The following UNC5D variants were observed in gnomAD, a reference collection of about 807,000 sequenced individuals.
The protein encoded by UNC5D is unc-5 netrin receptor D, also known as netrin receptor UNC5D.
Under a neutral mutation model 105.4 loss-of-function variants are expected in UNC5D, and 39 were observed. That is an observed-to-expected ratio of 0.37 (90% CI 0.29 to 0.48). UNC5D has a LOEUF of 0.48. Ranked by LOEUF, UNC5D falls within the 20% of genes least tolerant of loss-of-function variation. UNC5D has a pLI of 0.98. For synonymous variants in UNC5D, 452 were observed against 450.4 expected, an observed-to-expected ratio of 1.00 and a Z score of -0.04; for missense variants, 991 against 1,202.4, an observed-to-expected ratio of 0.82 and a Z score of 2.60.
chr8:35,780,049 T>C (rs1802432092), intron 16 of UNC5D, among the ~76,000 whole-genome samples: 1 of 152,048 alleles, frequency 6.6e-6, no homozygotes, highest in Non-Finnish European at 1.5e-5. Flanking sequence ...TATGGGCAGA[T>C]GAGTAGAGGG....
chr8:35,242,422 A>G (rs1233560112), intron 1 of UNC5D, among the ~76,000 whole-genome samples: 1 of 152,156 alleles, frequency 6.6e-6, no homozygotes, highest in Non-Finnish European at 1.5e-5. Flanking sequence ...CACTGGGATG[A>G]CTATGCTTTG....
intron 6 of UNC5D, among the ~76,000 whole-genome samples, chr8:35,685,600 A>G (rs1471325839): frequency 6.6e-6 from 1 of 152,312 alleles, no homozygotes; most frequent in East Asian, 1.9e-4. Context: ...ACTTATGTTC[A>G]ATAAGCATTT....
intron 4 of UNC5D, among the ~76,000 whole-genome samples, chr8:35,632,916 C>G (rs1563612966): frequency 6.6e-6 from 1 of 152,186 alleles, no homozygotes; most frequent in East Asian, 1.9e-4. Context: ...CTTCACCTCC[C>G]TTGTTTCTGC....
chr8:35,504,510 G>T (rs1346401717), intron 1 of UNC5D, among the ~76,000 whole-genome samples: 1 of 152,138 alleles, frequency 6.6e-6, no homozygotes, highest in Non-Finnish European at 1.5e-5. Context: ...GGTGTAATGT[G>T]AGGAATGCAT....
At chr8:35,305,631 C>CTTTTTCTT (rs1563297986) in intron 1 of UNC5D, among the ~76,000 whole-genome samples, 6 of 87,776 alleles carry the variant, frequency 6.8e-5, no homozygotes, top group East Asian at 3.5e-4. Context: ...CTTTTTCTTT[C>CTTTTTCTT]TCTCTCTCTC....
intron 1 of UNC5D, among the ~76,000 whole-genome samples, chr8:35,316,671 C>T (rs1002717591): frequency 1.3e-5 from 2 of 152,170 alleles, no homozygotes; most frequent in Admixed American, 6.5e-5. Context: ...GGATGTTTCA[C>T]GTGAGCCTGA....
At chr8:35,406,570 C>T (rs1804813758) in intron 1 of UNC5D, among the ~76,000 whole-genome samples, 1 of 152,092 alleles carries the variant, frequency 6.6e-6, no homozygotes, top group Non-Finnish European at 1.5e-5. Context: ...AAAGACAGTA[C>T]CAGCTTCAGC....
chr8:35,632,639 C>T (rs1442642554), intron 4 of UNC5D, among the ~76,000 whole-genome samples: 1 of 152,204 alleles, frequency 6.6e-6, no homozygotes, highest in African/African-American at 2.4e-5. Flanking sequence ...TAAACCAGGG[C>T]TTACCTTTTT....
intron 1 of UNC5D, among the ~76,000 whole-genome samples, chr8:35,450,417 A>G (rs1808069231): frequency 6.6e-6 from 1 of 152,084 alleles, no homozygotes; most frequent in South Asian, 2.1e-4. Context: ...CTTTTTATCT[A>G]TTCATAATAT....
chr8:35,390,727 A>T (rs981360095), intron 1 of UNC5D, among the ~76,000 whole-genome samples: 30 of 152,302 alleles, frequency 2.0e-4, no homozygotes, highest in African/African-American at 6.0e-4. Flanking sequence ...AAATATCTCA[A>T]TAGTTTCTCT....
At chr8:35,601,606 T>C (rs1819889897) in intron 4 of UNC5D, among the ~76,000 whole-genome samples, 1 of 152,156 alleles carries the variant, frequency 6.6e-6, no homozygotes, top group South Asian at 2.1e-4. Flanking sequence ...TGTTTGTCTG[T>C]TATTGGTGTA....
intron 16 of UNC5D, among the ~76,000 whole-genome samples, chr8:35,784,584 C>A (rs577481968): frequency 2.6e-5 from 4 of 152,028 alleles, no homozygotes; most frequent in Admixed American, 2.6e-4. Context: ...CCTGTATCTA[C>A]TAAAAGTACA....
At chr8:35,502,733 T>C (rs996189314) in intron 1 of UNC5D, among the ~76,000 whole-genome samples, 1 of 151,502 alleles carries the variant, frequency 6.6e-6, no homozygotes, top group Non-Finnish European at 1.5e-5. Context: ...TAATTTTTTT[T>C]TTTTTGTATT....
intron 16 of UNC5D, among the ~76,000 whole-genome samples, chr8:35,782,953 T>C (rs1231761276): frequency 6.6e-6 from 1 of 151,984 alleles, no homozygotes; most frequent in East Asian, 1.9e-4. Context: ...CTGGCAACAT[T>C]GTGAGACCCC....
At chr8:35,454,579 C>A (rs1808364584) in intron 1 of UNC5D, among the ~76,000 whole-genome samples, 1 of 152,074 alleles carries the variant, frequency 6.6e-6, no homozygotes, top group Non-Finnish European at 1.5e-5. Flanking sequence ...TTAAAAAATT[C>A]TAATCTTCTA....
intron 1 of UNC5D, among the ~76,000 whole-genome samples, chr8:35,462,907 A>T (rs1245927786): frequency 1.3e-5 from 2 of 152,198 alleles, no homozygotes; most frequent in Non-Finnish European, 2.9e-5. Flanking sequence ...ATCTCTCCTT[A>T]CAAAGGTATA....
At chr8:35,783,365 T>C (rs896804173) in intron 16 of UNC5D, among the ~76,000 whole-genome samples, 1 of 152,116 alleles carries the variant, frequency 6.6e-6, no homozygotes, top group Non-Finnish European at 1.5e-5. Flanking sequence ...CCTAGTATAT[T>C]TTTATATGAA....
At chr8:35,637,903 T>G (rs549583879) in intron 4 of UNC5D, among the ~76,000 whole-genome samples, 45 of 152,266 alleles carry the variant, frequency 3.0e-4, no homozygotes, top group Non-Finnish European at 4.4e-4. Flanking sequence ...AGTCCCCATG[T>G]GCCGGCCAAC....
chr8:35,302,550 C>A (rs1808038938), intron 1 of UNC5D, among the ~76,000 whole-genome samples: 1 of 152,156 alleles, frequency 6.6e-6, no homozygotes, highest in Non-Finnish European at 1.5e-5. Context: ...CACGCAAGTG[C>A]ACATGATAGA....
Sources: allele counts gnomAD v4.1 joint callset (sites outside exome capture counted in the v4.1 genomes callset), GRCh38; gene constraint gnomAD v4.1.1; transcripts MANE v1.5; gene names NCBI Gene and HGNC (gene_info 2026-07-23, HGNC 2026-07-21).